MYOM3: variants seen among roughly 807,000 people sequenced by gnomAD.
MYOM3 encodes myomesin-3.
Under a neutral mutation model 191.7 loss-of-function variants are expected in MYOM3, and 155 were observed. The ratio of observed to expected loss-of-function variants is 0.81; its 90% CI spans 0.71 to 0.92. MYOM3 has a LOEUF of 0.92. Among genes scored for constraint, MYOM3 ranks in the 40% least tolerant of loss-of-function variants. The pLI is 0.00. For missense variants in MYOM3, 1,889 were observed against 1,890.6 expected (o/e 1.00, Z 0.02); for synonymous variants, 757 against 762.9 (o/e 0.99, Z 0.13).
chr1:24,078,239 T>C (rs1185413666), intron 20 of MYOM3, among the ~76,000 whole-genome samples: 1 of 151,952 alleles, frequency 6.6e-6, no homozygotes. Flanking sequence ...CTCAGCCTTC[T>C]GTGTAGCTGA....
chr1:24,105,697 G>A (rs978694812), intron 5 of MYOM3, among the ~76,000 whole-genome samples: 3 of 152,196 alleles, frequency 2.0e-5, no homozygotes, highest in African/African-American at 7.2e-5. Flanking sequence ...AGTCAAGACT[G>A]CAGTGAGCTA....
intron 8 of MYOM3, 134 bp downstream of exon 8, chr1:24,095,308 C>G: frequency 3.5e-6 from 3 of 868,204 alleles, no homozygotes; most frequent in Non-Finnish European, 5.5e-6. Flanking sequence ...CAGGTATTAC[C>G]AGCTCATAGA....
At chr1:24,108,775 G>A (rs759710270) in intron 1 of MYOM3, 121 bp from the exon 2 acceptor site, 50 of 670,068 alleles carry the variant, frequency 7.5e-5, no homozygotes, top group African/African-American at 2.5e-4. Context: ...CTCTGCAGTC[G>A]GCAGACAGGG....
chr1:24,057,503 A>G lies in MYOM3; in HGVS notation c.4175T>C (p.Ile1392Thr). 1.2e-6 allele frequency: 2 copies of G among 1,614,188 alleles called. No homozygotes were observed. The highest frequency in any genetic ancestry group is 1.7e-6 in the Non-Finnish European group (2 of 1,180,034). Residue 1392 changes from isoleucine to threonine, a missense_variant, in exon 37 of 37, where the codon ATC becomes ACC. By Grantham distance (89) the Ile-to-Thr change is moderately conservative. Coordinates refer to ENST00000374434, the MANE Select transcript of MYOM3 (RefSeq NM_152372.4). ...TTCACTGTTGACCTTCTCAATGGTG[A>G]TGGTGACCTCTGTCCCCCTCACTTC... ...RMEVRGTEVT[I>T]TIEKVNSEDS...
intron 1 of MYOM3, among the ~76,000 whole-genome samples, chr1:24,110,754 C>T (rs921835596): frequency 1.3e-5 from 2 of 152,176 alleles, no homozygotes; most frequent in African/African-American, 2.4e-5. Flanking sequence ...CACTCCCTCC[C>T]GATGGAAGAA....
intron 14 of MYOM3, among the ~76,000 whole-genome samples, chr1:24,089,111 C>T (rs750019258): frequency 1.1e-4 from 16 of 152,196 alleles, no homozygotes; most frequent in Non-Finnish European, 1.9e-4. Context: ...CTAATCACAC[C>T]ATAGGCTCTG....
chr1:24,090,660 A>T, intron 12 of MYOM3, 137 bp downstream of exon 12: 1 of 780,344 alleles, frequency 1.3e-6, no homozygotes, highest in Non-Finnish European at 2.1e-6. Flanking sequence ...TCATCAGACT[A>T]GTGTTTACTG....
intron 28 of MYOM3, chr1:24,066,523 C>G (rs1643436570): frequency 2.2e-6 from 1 of 460,266 alleles, no homozygotes; most frequent in Non-Finnish European, 3.9e-6. Flanking sequence ...TAAGAAGGAC[C>G]TTAGGCTTTG....
Position 24,092,266 on chromosome 1 carries a change from TC to T in MYOM3, c.1139del (p.Arg380HisfsTer5). 7.2e-7 allele frequency: 1 copy of T among 1,398,192 alleles called. No homozygotes were observed. Among genetic ancestry groups the T allele is most frequent in the Non-Finnish European group, 9.4e-7 (1 of 1,066,460 alleles). 86.6% of individuals were successfully genotyped at this position (1,398,192 alleles called of 1,614,324 possible). A position where few individuals can be genotyped will look rare whatever the true frequency, so the allele number is the denominator to read the frequency against. On this transcript the variant is annotated frameshift_variant, in exon 11 of 37. Coordinates refer to ENST00000374434, the MANE Select transcript of MYOM3 (RefSeq NM_152372.4). LOFTEE classifies it high-confidence loss of function. The stretch of plus-strand genomic sequence containing the variant: ...GGCAGTCTCTGTTCACATCCAGGCA[TC>T]GGACGTTCAGTGGGGAGCCTGGGGC... Reference protein sequence around the residue: ...PGAPGSPLNVRCLDVNRDCLI... With the variant: ...PGAPGSPLNVXCLDVNRDCLI...
chr1:24,078,542 C>T (rs1033668159), intron 20 of MYOM3, among the ~76,000 whole-genome samples: 1 of 152,222 alleles, frequency 6.6e-6, no homozygotes, highest in Non-Finnish European at 1.5e-5. Context: ...CTTCTTTCCT[C>T]TGGGTGCTCC....
At chr1:24,069,577 T>C (rs1032766155) in intron 25 of MYOM3, among the ~76,000 whole-genome samples, 15 of 151,158 alleles carry the variant, frequency 9.9e-5, no homozygotes, top group African/African-American at 3.6e-4. Context: ...ATATAACACA[T>C]ATTTTCTTCC....
At position 24,095,065 on chromosome 1, in the gene MYOM3, T is replaced by A. The variant is rs1643870987; in HGVS notation, c.791-75A>T. 8.1e-6 allele frequency: 12 copies of A among 1,483,862 alleles called. No individual in the cohort carries two copies. The Admixed American group carries it at 2.5e-4, about 31-fold the overall frequency. 91.9% of individuals were successfully genotyped at this position (1,483,862 alleles called of 1,614,324 possible). On this transcript the variant is annotated intron_variant, in intron 8 of 36. Transcript: ENST00000374434. The stretch of plus-strand genomic sequence containing the variant: ...GGCCTGGGACTTAGGAGTGAGGAAA[T>A]TTCTGGGGCATCCCTTCTCTTCTGG...
At chr1:24,071,796 T>TTTCC (rs1557604556) in intron 24 of MYOM3, among the ~76,000 whole-genome samples, 173 bp downstream of exon 24, 1 of 152,224 alleles carries the variant, frequency 6.6e-6, no homozygotes, top group Admixed American at 6.5e-5. Context: ...CTGCTGCTCT[T>TTTCC]TTCCTTCCGT....
intron 3 of MYOM3, among the ~76,000 whole-genome samples, 153 bp from the exon 4 acceptor site, chr1:24,107,385 C>G (rs1489223291): frequency 6.6e-6 from 1 of 152,256 alleles, no homozygotes; most frequent in Non-Finnish European, 1.5e-5. Flanking sequence ...TCCAAAACAG[C>G]CTGGAAGGGC....
rs530106820 is a variant in MYOM3, at chr1:24,107,136, G to C, written c.339C>G (p.Ile113Met). The change falls in exon 4 of 37, where the codon ATC (isoleucine) becomes ATG (methionine). Residue 113 changes from isoleucine to methionine, a missense_variant. Physicochemically the swap from Ile to Met is conservative, Grantham distance 10. Transcript: ENST00000374434. ...GFGNDWERTE[I>M]AFLQTHRLLR... ...GCAGCCGGTGGGTCTGCAGGAAGGCGATCTCAGTCCTCTCCCAGTCATTGC... is the reference window on the plus strand; with the variant it reads ...GCAGCCGGTGGGTCTGCAGGAAGGCCATCTCAGTCCTCTCCCAGTCATTGC... 6.2e-7 allele frequency: 1 copy of C among 1,612,400 alleles called. No individual in the cohort carries two copies. The highest frequency in any genetic ancestry group is 8.5e-7 in the Non-Finnish European group (1 of 1,179,438).
At chr1:24,072,067 G>A (rs1040245509) in intron 23 of MYOM3, 54 bp from the exon 24 acceptor site, 2 of 1,578,802 alleles carry the variant, frequency 1.3e-6, no homozygotes, top group African/African-American at 1.3e-5. Context: ...ATCCTGGTCG[G>A]GGGTGGGGGG....
chr1:24,074,161 T>C lies in MYOM3; in HGVS notation c.2967A>G (p.Glu989=). ...DISASHTLTE[E]ELEKLKKLSH... is the part of the protein sequence containing the mutation. ...CAGGGAGCGGGGTAGGTGCATTACCTTCCTCGGTTAGCGTGTGGCTTGCGG... is the reference window on the plus strand; with the variant it reads ...CAGGGAGCGGGGTAGGTGCATTACCCTCCTCGGTTAGCGTGTGGCTTGCGG... Residue 989 remains glutamate (E), a splice_region_variant and synonymous_variant, in exon 23 of 37, where the codon GAA becomes GAG. Transcript: ENST00000374434. 6.2e-7 allele frequency: 1 copy of C among 1,612,408 alleles called. No homozygotes were observed. Among genetic ancestry groups the C allele is most frequent in the South Asian group, 1.1e-5 (1 of 91,022 alleles).
chr1:24,099,988 C>T (rs1643900766), intron 5 of MYOM3, among the ~76,000 whole-genome samples: 1 of 152,120 alleles, frequency 6.6e-6, no homozygotes, highest in African/African-American at 2.4e-5. Flanking sequence ...CCTGCCTCAG[C>T]CTCCTGAGTA....
In MYOM3 at chr1:24,069,595, T is replaced by TTTTCTTTC. The variant is rs149395314; in HGVS notation, c.3151-1236_3151-1229dup. ...TAACACATATTTTCTTCCTTTTTTCTTTTCTTTCTTTCTTTCTTTCTTTTT... is the reference window on the plus strand; with the variant it reads ...TAACACATATTTTCTTCCTTTTTTCTTTTCTTTCTTTCTTTCTTTCTTTCTTTCTTTTT... On this transcript the variant is annotated intron_variant, in intron 25 of 36. Coordinates refer to ENST00000374434, the MANE Select transcript of MYOM3 (RefSeq NM_152372.4). 6.1e-3 allele frequency among the ~76,000 whole-genome samples: 870 copies of TTTTCTTTC among 142,086 alleles called. 5 individuals are homozygous for TTTTCTTTC. Among genetic ancestry groups the TTTTCTTTC allele is most frequent in the Middle Eastern group, 0.011 (3 of 280 alleles). The allele number at this position is 142,086 out of a possible 152,430, so 93.2% of individuals were successfully genotyped here.
Sources: allele counts gnomAD v4.1 joint callset (sites outside exome capture counted in the v4.1 genomes callset), GRCh38; gene constraint gnomAD v4.1.1; transcripts MANE v1.5; gene names NCBI Gene and HGNC (gene_info 2026-07-23, HGNC 2026-07-21).